The following RNF144A variants were observed in gnomAD, a reference collection of about 807,000 sequenced individuals.
RNF144A encodes the protein ring finger protein 144A.
A neutral mutation model predicts 38.7 loss-of-function variants in RNF144A; 11 were observed. That is an observed-to-expected ratio of 0.28 (90% CI 0.18 to 0.47). RNF144A has a LOEUF of 0.47. RNF144A is among the 20% of genes least tolerant of loss of function. The pLI, the probability that RNF144A is intolerant of heterozygous loss-of-function variation, is 0.99. For missense variants in RNF144A, 316 were observed against 377.2 expected, an observed-to-expected ratio of 0.84 and a Z score of 1.34; for synonymous variants, 149 against 143.9, an observed-to-expected ratio of 1.04 and a Z score of -0.25.
At chr2:7,015,882 G>A (rs779112932) in intron 5 of RNF144A, among the ~76,000 whole-genome samples, 3 of 152,066 alleles carry the variant, frequency 2.0e-5, no homozygotes, top group Admixed American at 6.6e-5. Context: ...CTGGAGGGTG[G>A]GCTTACATGA....
chr2:7,022,897 T>G (rs1158623559), intron 6 of RNF144A, among the ~76,000 whole-genome samples: 2 of 152,260 alleles, frequency 1.3e-5, no homozygotes, highest in Non-Finnish European at 2.9e-5. Flanking sequence ...GTCTGCAGTT[T>G]GCTTTTAAAT....
rs546223733 is a variant in RNF144A at position 6,962,122 on chromosome 2, A to G, written c.-12+20975A>G. 2.6e-5 allele frequency among the ~76,000 whole-genome samples: 4 copies of G among 152,164 alleles called. No individual in the cohort carries two copies. Among genetic ancestry groups the G allele is most frequent in the Non-Finnish European group, 5.9e-5 (4 of 68,018 alleles). On this transcript the variant is annotated intron_variant, in intron 2 of 8. Transcript: ENST00000320892. This position sits in a 1 kb window ranked among gnomAD's most constrained non-coding sequence, Gnocchi z 4.1. ...TCCACGGTGAAATGCAGGGGGTTTT[A>G]TAGATAAGCTGGTGGGGAATGATAC...
chr2:6,920,682 G>A (rs1373166739), intron 1 of RNF144A, among the ~76,000 whole-genome samples: 2 of 152,238 alleles, frequency 1.3e-5, no homozygotes, highest in African/African-American at 4.8e-5. Context: ...CATTGAGATC[G>A]AAGAATGAAG....
chr2:7,063,818 C>A (rs747239917), intron 6 of RNF144A, among the ~76,000 whole-genome samples: 1 of 152,200 alleles, frequency 6.6e-6, no homozygotes, highest in African/African-American at 2.4e-5. Flanking sequence ...ATAAGGAGAT[C>A]GTTAGTGGTG....
intron 6 of RNF144A, among the ~76,000 whole-genome samples, chr2:7,050,319 C>G (rs1673470015): frequency 6.6e-6 from 1 of 152,228 alleles, no homozygotes; most frequent in African/African-American, 2.4e-5. Flanking sequence ...CCTACGCAAG[C>G]TCTCTTGCCT....
In RNF144A at chr2:6,945,270, A is replaced by G. The variant is rs549541578; in HGVS notation, c.-12+4123A>G. ...GTTTCAGAGTTCCTAATGTGTAGAA[A>G]TGAGCAGTATTTTTAGAAATGGAAA... On this transcript the variant is annotated intron_variant, in intron 2 of 8. Coordinates refer to ENST00000320892, the MANE Select transcript of RNF144A (RefSeq NM_014746.6). Among the ~76,000 whole-genome samples the G allele has an allele frequency of 6.6e-5, 10 of 152,338 alleles. No homozygotes were observed. The South Asian group carries it at 1.9e-3, about 28-fold the overall frequency.
downstream of RNF144A, among the ~76,000 whole-genome samples, chr2:7,069,228 T>C (rs1004293026): frequency 3.3e-5 from 5 of 152,202 alleles, no homozygotes; most frequent in Non-Finnish European, 5.9e-5. Flanking sequence ...CCTCCCACTG[T>C]CTCCTGCATG....
intron 6 of RNF144A, among the ~76,000 whole-genome samples, chr2:7,058,553 AT>A (rs1332810448): frequency 3.9e-5 from 6 of 152,134 alleles, no homozygotes; most frequent in Non-Finnish European, 8.8e-5. Context: ...TCTATGATTA[AT>A]TTCTAAATAT....
At chr2:7,070,166 CTCTT>C (rs1187077673), downstream of RNF144A, among the ~76,000 whole-genome samples, 3 of 151,850 alleles carry the variant, frequency 2.0e-5, no homozygotes, top group Non-Finnish European at 4.4e-5. Flanking sequence ...TTCTCTCTCT[CTCTT>C]TATTTTTTAA....
At chr2:6,972,622 G>T (rs1197623251) in intron 2 of RNF144A, among the ~76,000 whole-genome samples, 1 of 152,124 alleles carries the variant, frequency 6.6e-6, no homozygotes, top group Non-Finnish European at 1.5e-5. Flanking sequence ...TTACCTTAGA[G>T]ATTTACTGTT....
chr2:7,051,819 T>C (rs1572483652), intron 6 of RNF144A, among the ~76,000 whole-genome samples: 1 of 151,914 alleles, frequency 6.6e-6, no homozygotes. Flanking sequence ...AATCCAAGAG[T>C]GTGGCTCCCA....
chr2:6,951,598 A>G (rs185685979), intron 2 of RNF144A, among the ~76,000 whole-genome samples: 199 of 152,322 alleles, frequency 1.3e-3, no homozygotes, highest in Middle Eastern at 3.4e-3. Flanking sequence ...ATCCATGAAC[A>G]TCGTATCACT....
intron 2 of RNF144A, among the ~76,000 whole-genome samples, chr2:6,972,483 CG>C (rs1668058786): frequency 6.6e-6 from 1 of 152,136 alleles, no homozygotes; most frequent in African/African-American, 2.4e-5. Flanking sequence ...GAAATAGCCC[CG>C]GGGGGTTTGT....
chr2:6,936,844 A>AGTGTGT (rs55971680), intron 1 of RNF144A, among the ~76,000 whole-genome samples: 14,336 of 144,058 alleles, frequency 0.1, 783 homozygotes, highest in Middle Eastern at 0.14. Context: ...CACACACAGT[A>AGTGTGT]GTGTGTGTGT....
At chr2:7,054,711 C>T (rs1206028155) in intron 6 of RNF144A, among the ~76,000 whole-genome samples, 1 of 152,124 alleles carries the variant, frequency 6.6e-6, no homozygotes, top group Non-Finnish European at 1.5e-5. Context: ...GCAAGGGGCA[C>T]CATCTTGGAG....
chr2:6,946,648 T>G (rs995517254), intron 2 of RNF144A, among the ~76,000 whole-genome samples: 1 of 152,184 alleles, frequency 6.6e-6, no homozygotes, highest in Non-Finnish European at 1.5e-5. Context: ...CCTTTGTCTC[T>G]TAGGTTATTA....
chr2:6,956,913 A>G (rs1240934487), intron 2 of RNF144A, among the ~76,000 whole-genome samples: 1 of 152,226 alleles, frequency 6.6e-6, no homozygotes, highest in Non-Finnish European at 1.5e-5. Flanking sequence ...TGTGAAAATG[A>G]CAAGCATATT....
chr2:6,922,870 C>T (rs531434344), intron 1 of RNF144A, among the ~76,000 whole-genome samples: 26 of 151,088 alleles, frequency 1.7e-4, no homozygotes, highest in East Asian at 1.4e-3. Context: ...ATGATCCGCC[C>T]GCCTCGGCCT....
At chr2:7,013,461 A>G (rs1207049053) in intron 3 of RNF144A, among the ~76,000 whole-genome samples, 2 of 152,224 alleles carry the variant, frequency 1.3e-5, no homozygotes, top group South Asian at 2.1e-4. Context: ...TTGCTATTAT[A>G]TTTTAATAAT....
Sources: allele counts gnomAD v4.1 joint callset (sites outside exome capture counted in the v4.1 genomes callset), GRCh38; gene constraint gnomAD v4.1.1; non-coding constraint Gnocchi (gnomAD v3.1); transcripts MANE v1.5; gene names NCBI Gene and HGNC (gene_info 2026-07-23, HGNC 2026-07-21).